Variants in CENPP observed in about 807,000 individuals in gnomAD.
The protein encoded by CENPP is centromere protein P.
In CENPP, 24 loss-of-function variants were observed where a neutral mutation model predicts 35.6. That is an observed-to-expected ratio of 0.67 (90% CI 0.49 to 0.95). The LOEUF (loss-of-function observed/expected upper bound fraction) is 0.95, where lower values mean the gene tolerates loss of function less well. Among genes scored for constraint, CENPP ranks in the 40% least tolerant of loss-of-function variants. The pLI is 0.00. For synonymous variants in CENPP, 120 were observed against 125.5 expected (o/e 0.96, Z 0.29); for missense variants, 332 against 345.3 (o/e 0.96, Z 0.31).
At chr9:92,394,447 T>C (rs2130907327) in intron 5 of CENPP, among the ~76,000 whole-genome samples, 1 of 151,314 alleles carries the variant, frequency 6.6e-6, no homozygotes, top group Non-Finnish European at 1.5e-5. Context: ...TAGACAAGGT[T>C]TCACCATGTT....
chr9:92,342,817 C>G (rs1366112592), intron 3 of CENPP, among the ~76,000 whole-genome samples: 3 of 151,984 alleles, frequency 2.0e-5, no homozygotes, highest in African/African-American at 7.2e-5. Flanking sequence ...CTAGCATATT[C>G]TATACCAACT....
chr9:92,381,801 C>T (rs551753129), intron 5 of CENPP, among the ~76,000 whole-genome samples: 17 of 151,976 alleles, frequency 1.1e-4, no homozygotes, highest in South Asian at 2.1e-4. Flanking sequence ...TTTGAAGAAC[C>T]GCATACTCTT....
intron 5 of CENPP, among the ~76,000 whole-genome samples, chr9:92,553,043 C>T (rs1004789357): frequency 4.6e-5 from 7 of 151,474 alleles, no homozygotes; most frequent in South Asian, 2.1e-4. Context: ...TATAGTTTCA[C>T]GTCTTAGGTT....
chr9:92,348,681 C>T (rs1015950206), intron 4 of CENPP, among the ~76,000 whole-genome samples: 7 of 152,174 alleles, frequency 4.6e-5, no homozygotes, highest in Admixed American at 3.9e-4. Flanking sequence ...CGTGAGCCAC[C>T]GCACCTGACC....
chr9:92,572,055 G>A (rs1180114403), intron 5 of CENPP, among the ~76,000 whole-genome samples: 2 of 152,034 alleles, frequency 1.3e-5, no homozygotes, highest in Admixed American at 1.3e-4. Flanking sequence ...TTGCCAGTCT[G>A]TGCCTTTTAA....
At chr9:92,457,279 T>C in intron 5 of CENPP, 1 of 1,611,268 alleles carries the variant, frequency 6.2e-7, no homozygotes, top group South Asian at 1.1e-5. Context: ...CATTACCAAT[T>C]ACTAATTATT....
intron 5 of CENPP, chr9:92,457,531 G>A (rs912106990): frequency 2.9e-6 from 4 of 1,368,842 alleles, no homozygotes; most frequent in Admixed American, 3.4e-5. Context: ...CCCAGTAAAT[G>A]TAAACGGAAG....
intron 4 of CENPP, among the ~76,000 whole-genome samples, chr9:92,360,419 T>C (rs1841716737): frequency 6.6e-6 from 1 of 151,988 alleles, no homozygotes; most frequent in African/African-American, 2.4e-5. Flanking sequence ...ACAACAAAAT[T>C]AGCTTATTGT....
chr9:92,612,881 C>A, intron 7 of CENPP, 138 bp from the exon 8 acceptor site: 1 of 1,042,698 alleles, frequency 9.6e-7, no homozygotes. Flanking sequence ...CATCTCCTCG[C>A]CCGCCACTAG....
At chr9:92,607,433 G>A (rs13285490) in intron 5 of CENPP, among the ~76,000 whole-genome samples, 5,557 of 152,224 alleles carry the variant, frequency 0.037, 156 homozygotes, top group Middle Eastern at 0.088. Flanking sequence ...AGGGGACTAG[G>A]GGCAATAGCT....
chr9:92,326,227 A>ACT, intron 1 of CENPP, 122 bp downstream of exon 1: 8 of 670,992 alleles, frequency 1.2e-5, no homozygotes, highest in Non-Finnish European at 2.0e-5. Flanking sequence ...ATGAACTGGC[A>ACT]TTGATCCTGT....
In CENPP at chr9:92,513,317, G is replaced by A. The variant is rs925940647; in HGVS notation, c.565-97997G>A. Among the ~76,000 whole-genome samples, 27 of 152,262 alleles carry A rather than the reference G, an allele frequency of 1.8e-4. 1 individual carries two copies. In the East Asian group the frequency reaches 4.6e-3, roughly 26 times the overall value. On this transcript the variant is annotated intron_variant, in intron 5 of 7. Transcript: ENST00000375587. Reference sequence around the variant, plus strand: ...GAAAACAACTGACAGTACCAAGTGCGGGCAGGCTGCAGAGAGGCAGGAGCT... The same window carrying A: ...GAAAACAACTGACAGTACCAAGTGCAGGCAGGCTGCAGAGAGGCAGGAGCT...
intron 1 of CENPP, 42 bp downstream of exon 1, chr9:92,326,147 GT>G (rs1284237979): frequency 7.4e-7 from 1 of 1,343,442 alleles, no homozygotes; most frequent in East Asian, 2.7e-5. Context: ...GCTGGCCAGG[GT>G]TCCCGGGCCA....
intron 5 of CENPP, among the ~76,000 whole-genome samples, chr9:92,412,757 G>A (rs1843479169): frequency 6.6e-6 from 1 of 152,110 alleles, no homozygotes; most frequent in Non-Finnish European, 1.5e-5. Context: ...TCCATTGATG[G>A]ACATTTGCGT....
chr9:92,438,980 C>G (rs1003271720), intron 5 of CENPP, among the ~76,000 whole-genome samples: 1 of 152,172 alleles, frequency 6.6e-6, no homozygotes, highest in African/African-American at 2.4e-5. Context: ...CAATAAACTG[C>G]TTCATTTGTT....
chr9:92,496,532 G>T (rs766368490), intron 5 of CENPP: 5 of 1,566,524 alleles, frequency 3.2e-6, no homozygotes, highest in African/African-American at 1.4e-5. Flanking sequence ...GTAATAATCT[G>T]CCTTTAGGAG....
At chr9:92,477,642 C>T (rs1013718102) in intron 5 of CENPP, among the ~76,000 whole-genome samples, 9 of 152,080 alleles carry the variant, frequency 5.9e-5, no homozygotes, top group African/African-American at 1.9e-4. Flanking sequence ...ACCCACTGTA[C>T]CCCATGCAGT....
At chr9:92,350,291 T>G (rs191827348) in intron 4 of CENPP, among the ~76,000 whole-genome samples, 1 of 152,350 alleles carries the variant, frequency 6.6e-6, no homozygotes, top group Admixed American at 6.5e-5. Flanking sequence ...TAGTGAAGTT[T>G]GGACTTTGCT....
At chr9:92,349,609 G>A (rs10992313) in intron 4 of CENPP, among the ~76,000 whole-genome samples, 7,456 of 151,936 alleles carry the variant, frequency 0.049, 844 homozygotes, top group East Asian at 0.43. Flanking sequence ...TCACCATGTT[G>A]GCCAGGATGG....
Sources: allele counts gnomAD v4.1 joint callset (sites outside exome capture counted in the v4.1 genomes callset), GRCh38; gene constraint gnomAD v4.1.1; transcripts MANE v1.5; gene names NCBI Gene and HGNC (gene_info 2026-07-23, HGNC 2026-07-21).